The following SCAND3 variants were observed in gnomAD, a reference collection of about 807,000 sequenced individuals.
SCAND3 encodes SCAN domain-containing protein 3.
the SCAND3 span, among the ~76,000 whole-genome samples, chr6:28,585,502 C>T: frequency 6.6e-6 from 1 of 152,320 alleles, no homozygotes; most frequent in African/African-American, 2.4e-5. Flanking sequence ...TGGCCCCAAA[C>T]ATCAACTTGC....
chr6:28,602,503 C>T, the SCAND3 span, among the ~76,000 whole-genome samples: 1 of 152,182 alleles, frequency 6.6e-6, no homozygotes, highest in African/African-American at 2.4e-5. Context: ...CCACAGTGCC[C>T]AGCCTCTTTT....
chr6:28,609,105 C>T, the SCAND3 span, among the ~76,000 whole-genome samples: 2 of 152,100 alleles, frequency 1.3e-5, no homozygotes, highest in African/African-American at 2.4e-5. Context: ...CATGACAAGA[C>T]AAGGATATTC....
chr6:28,572,281 T>C, the SCAND3 span: 1 of 1,609,680 alleles, frequency 6.2e-7, no homozygotes, highest in Non-Finnish European at 8.5e-7. This position sits in a 1 kb window ranked among gnomAD's most constrained non-coding sequence, Gnocchi z 4.1. Context: ...GATCCACAAA[T>C]TTCCTATGCG....
At chr6:28,576,078 G>A in the SCAND3 span, 2 of 1,612,000 alleles carry the variant, frequency 1.2e-6, no homozygotes, top group East Asian at 2.2e-5. Context: ...TAGTATCTAA[G>A]CTACTGAGGT....
chr6:28,609,592 C>CAA, the SCAND3 span, among the ~76,000 whole-genome samples: 1 of 152,146 alleles, frequency 6.6e-6, no homozygotes, highest in African/African-American at 2.4e-5. Flanking sequence ...ATCCAGGTCA[C>CAA]AATTGGCAAT....
chr6:28,608,379 C>G, the SCAND3 span, among the ~76,000 whole-genome samples: 1 of 152,104 alleles, frequency 6.6e-6, no homozygotes, highest in South Asian at 2.1e-4. Flanking sequence ...ACTCTTGTCT[C>G]TTCTCAATCC....
the SCAND3 span, among the ~76,000 whole-genome samples, chr6:28,608,313 G>C: frequency 1.3e-5 from 2 of 152,154 alleles, no homozygotes; most frequent in Non-Finnish European, 2.9e-5. Flanking sequence ...GGAGACCAGA[G>C]GTCTGAGCCT....
the SCAND3 span, among the ~76,000 whole-genome samples, chr6:28,580,296 A>G: frequency 6.6e-6 from 1 of 152,100 alleles, no homozygotes; most frequent in African/African-American, 2.4e-5. Context: ...TCTACTAAAA[A>G]CACAAAAATT....
the SCAND3 span, chr6:28,575,721 T>C: frequency 6.2e-7 from 1 of 1,614,130 alleles, no homozygotes; most frequent in Non-Finnish European, 8.5e-7. The surrounding 1 kb of genome is among the most constrained non-coding windows in gnomAD (Gnocchi z 4.2). Flanking sequence ...CTTGTAACTC[T>C]TTCTCCATGC....
At chr6:28,576,047 C>A in the SCAND3 span, 1 of 1,613,650 alleles carries the variant, frequency 6.2e-7, no homozygotes, top group East Asian at 2.2e-5. Flanking sequence ...CTCATGTTTT[C>A]TGGTTCAATT....
At chr6:28,607,139 G>GA in the SCAND3 span, among the ~76,000 whole-genome samples, 1 of 152,212 alleles carries the variant, frequency 6.6e-6, no homozygotes, top group Non-Finnish European at 1.5e-5. Flanking sequence ...GAAATGCAAA[G>GA]CAACCTGTCT....
At chr6:28,580,954 G>A in the SCAND3 span, among the ~76,000 whole-genome samples, 1 of 152,112 alleles carries the variant, frequency 6.6e-6, no homozygotes, top group Non-Finnish European at 1.5e-5. Flanking sequence ...TTGGGTAGTG[G>A]TAATAAATTA....
At chr6:28,572,916 C>A in the SCAND3 span, 1 of 1,613,848 alleles carries the variant, frequency 6.2e-7, no homozygotes, top group Non-Finnish European at 8.5e-7. The surrounding 1 kb of genome is among the most constrained non-coding windows in gnomAD (Gnocchi z 4.1). Flanking sequence ...TACATTCTGG[C>A]GCAAGTTCCT....
chr6:28,591,197 T>C, the SCAND3 span: 1 of 152,176 alleles, frequency 6.6e-6, no homozygotes, highest in Non-Finnish European at 1.5e-5. Context: ...CAAGACCTGA[T>C]TGGAGATGGT....
chr6:28,597,397 G>A, the SCAND3 span, among the ~76,000 whole-genome samples: 7 of 152,192 alleles, frequency 4.6e-5, no homozygotes, highest in African/African-American at 7.2e-5. Context: ...GCAGTCCATC[G>A]CCTTAACCAC....
the SCAND3 span, chr6:28,586,404 G>C: frequency 6.2e-7 from 1 of 1,614,030 alleles, no homozygotes; most frequent in African/African-American, 1.3e-5. The surrounding 1 kb of genome is among the most constrained non-coding windows in gnomAD (Gnocchi z 4.4). Context: ...GAGCTCCTCA[G>C]GCAGGATGGT....
chr6:28,580,098 A>G, the SCAND3 span, among the ~76,000 whole-genome samples: 1 of 152,074 alleles, frequency 6.6e-6, no homozygotes, highest in Non-Finnish European at 1.5e-5. Flanking sequence ...TCATGTTGGG[A>G]TTTAAGATTC....
At chr6:28,594,421 G>A in the SCAND3 span, among the ~76,000 whole-genome samples, 42 of 152,360 alleles carry the variant, frequency 2.8e-4, no homozygotes, top group African/African-American at 9.1e-4. Flanking sequence ...TTGGGAGGCC[G>A]AGGCGGGTGG....
At chr6:28,605,678 C>CAAA in the SCAND3 span, among the ~76,000 whole-genome samples, 27 of 119,656 alleles carry the variant, frequency 2.3e-4, no homozygotes, top group South Asian at 3.2e-3. Context: ...CTAAAAAATA[C>CAAA]AAAAAAAAAA....
Sources: gnomAD v4.1 joint callset for allele counts (sites outside exome capture counted in the v4.1 genomes callset) on GRCh38, gnomAD v4.1.1 for gene constraint, Gnocchi (gnomAD v3.1) non-coding constraint, MANE v1.5 for transcripts, NCBI Gene and HGNC (gene_info 2026-07-23, HGNC 2026-07-21) for gene names.